NPHP1: variants seen among roughly 807,000 people sequenced by gnomAD.
NPHP1 encodes nephrocystin 1, also known as nephrocystin-1.
Under a neutral mutation model 90.4 loss-of-function variants are expected in NPHP1, and 70 were observed. The observed-to-expected ratio is 0.77, with a 90% CI of 0.64 to 0.95. NPHP1 has a LOEUF of 0.95. Among genes scored for constraint, NPHP1 ranks in the 40% least tolerant of loss-of-function variants. The probability of loss-of-function intolerance (pLI) is 0.00; values close to 1 mark genes in which losing one functional copy is unlikely to be tolerated. For synonymous variants in NPHP1, 256 were observed against 271.7 expected, an observed-to-expected ratio of 0.94 and a Z score of 0.57; for missense variants, 764 against 795.9, an observed-to-expected ratio of 0.96 and a Z score of 0.48.
At chr2:110,184,501 C>A (rs1684143025) in intron 2 of NPHP1, 2 of 1,053,320 alleles carry the variant, frequency 1.9e-6, no homozygotes, top group Non-Finnish European at 2.9e-6. Context: ...AGCCTTTATG[C>A]CACAGGCAGG....
At chr2:110,182,571 C>T (rs1683980920) in intron 2 of NPHP1, among the ~76,000 whole-genome samples, 1 of 152,068 alleles carries the variant, frequency 6.6e-6, no homozygotes, top group African/African-American at 2.4e-5. Flanking sequence ...GAAATAAGAT[C>T]CTTTTCAGAC....
chr2:110,130,367 T>G (rs1242149762), intron 17 of NPHP1, among the ~76,000 whole-genome samples: 1 of 152,158 alleles, frequency 6.6e-6, no homozygotes, highest in African/African-American at 2.4e-5. Context: ...CAATTCTGAG[T>G]AAACTTCTTA....
chr2:110,201,480 A>T lies in NPHP1; in HGVS notation c.84T>A (p.Leu28=). The stretch of plus-strand genomic sequence containing the variant: ...GAGCTTCTTTCAGTTGGCTCTCAGA[A>T]AGCAAACTATCAACCTATGGAGACC... ...QELKQQVDSL[L]SESQLKEALE... The change falls in exon 2 of 20, where the codon CTT becomes CTA. Residue 28 remains leucine (L), a synonymous_variant. Coordinates refer to ENST00000445609, the MANE Select transcript of NPHP1 (RefSeq NM_001128178.3). 1 of 1,609,756 alleles carries T rather than the reference A, an allele frequency of 6.2e-7. No homozygotes were observed. Among genetic ancestry groups the T allele is most frequent in the Non-Finnish European group, 8.5e-7 (1 of 1,177,158 alleles).
intron 2 of NPHP1, chr2:110,184,079 C>A: frequency 1.9e-6 from 1 of 527,986 alleles, no homozygotes; most frequent in South Asian, 1.4e-5. Context: ...ATACAATCAC[C>A]AACCAGCCTG....
At position 110,189,405 on chromosome 2, in the gene NPHP1, C is replaced by A. The variant is rs1398445259; in HGVS notation, c.144-9721G>T. ...CAGACCTTCACGGTGAGTGTTACAG[C>A]TCTTAAGGCGGCACGTCTGGAGTTG... On this transcript the variant is annotated intron_variant, in intron 2 of 19. Transcript: ENST00000445609. Among the ~76,000 whole-genome samples the A allele has an allele frequency of 2.0e-5, 3 of 152,062 alleles. No homozygotes were observed. The East Asian group carries it at 5.8e-4, about 29-fold the overall frequency.
chr2:110,168,708 C>G (rs1444413603), intron 5 of NPHP1, among the ~76,000 whole-genome samples, 155 bp from the exon 6 acceptor site: 1 of 151,954 alleles, frequency 6.6e-6, no homozygotes, highest in Non-Finnish European at 1.5e-5. Flanking sequence ...CCCTATCACC[C>G]GACCCCTATG....
At chr2:110,154,597 CT>C (rs1681747467) in intron 11 of NPHP1, among the ~76,000 whole-genome samples, 1 of 152,060 alleles carries the variant, frequency 6.6e-6, no homozygotes, top group Non-Finnish European at 1.5e-5. Flanking sequence ...GAGGTAGTCT[CT>C]GATGGAGATG....
intron 4 of NPHP1, among the ~76,000 whole-genome samples, chr2:110,171,908 T>C (rs983185499): frequency 6.6e-5 from 10 of 152,184 alleles, no homozygotes; most frequent in Admixed American, 3.9e-4. Flanking sequence ...ATCAGTGTTA[T>C]TGAAAGCTTA....
At chr2:110,141,968 GT>G (rs796942827) in intron 16 of NPHP1, among the ~76,000 whole-genome samples, 1,405 of 113,370 alleles carry the variant, frequency 0.012, 24 homozygotes, top group African/African-American at 0.048. Context: ...GCCAGACTCT[GT>G]CTCAAAAAAA....
intron 2 of NPHP1, among the ~76,000 whole-genome samples, chr2:110,200,458 G>A (rs1202511304): frequency 6.6e-6 from 1 of 151,216 alleles, no homozygotes. Context: ...AACTACTCAA[G>A]AGCCTGAGGC....
chr2:110,125,433 T>G, intron 19 of NPHP1: 5 of 1,200,422 alleles, frequency 4.2e-6, no homozygotes, highest in Non-Finnish European at 5.9e-6. Flanking sequence ...ATGGCTGTCT[T>G]GAACAAGTAT....
rs1488962813 is a variant in NPHP1, at chr2:110,149,923, ATGT to A, written c.1158+256_1158+258del. ...CTTTGAAAAACACCCCACTTCCTAA[ATGT>A]TATCTTTATGTTTTCATTTTTCATC... On this transcript the variant is annotated intron_variant, in intron 12 of 19. Transcript: ENST00000445609. Among the ~76,000 whole-genome samples the A allele has an allele frequency of 4.6e-5, 7 of 152,232 alleles. No homozygotes were observed. In the South Asian group the frequency reaches 1.5e-3, roughly 32 times the overall value.
chr2:110,144,526 CT>C lies in NPHP1; in HGVS notation c.1395del (p.Gly466ValfsTer21). ...GATATTGAAGGGTCCACTTCAATAC[CT>C]TTTTCATAAGGAGTACCACCATTCA... ...LFLNGGTPYE[K>X]GIEVDPSISR... On this transcript the variant is annotated frameshift_variant, in exon 15 of 20. Transcript: ENST00000445609. LOFTEE classifies it high-confidence loss of function. 3 of 1,606,914 alleles carry C rather than the reference CT, an allele frequency of 1.9e-6. No individual in the cohort carries two copies. Among genetic ancestry groups the C allele is most frequent in the Non-Finnish European group, 2.6e-6 (3 of 1,173,698 alleles).
At chr2:110,184,247 G>T in intron 2 of NPHP1, 1 of 580,308 alleles carries the variant, frequency 1.7e-6, no homozygotes, top group Non-Finnish European at 3.4e-6. Flanking sequence ...AAGCCAAGGA[G>T]CACCAAGGGC....
intron 15 of NPHP1, chr2:110,143,939 G>A: frequency 2.6e-6 from 1 of 385,042 alleles, no homozygotes; most frequent in Non-Finnish European, 4.9e-6. Flanking sequence ...CAAGAAGGCA[G>A]GACTGGCGTT....
intron 12 of NPHP1, among the ~76,000 whole-genome samples, chr2:110,149,476 C>A (rs1425280757): frequency 6.6e-6 from 1 of 152,126 alleles, no homozygotes; most frequent in Non-Finnish European, 1.5e-5. Flanking sequence ...CTCGACAAGT[C>A]TGGACAGGCA....
At chr2:110,166,389 A>G (rs1468181926) in intron 6 of NPHP1, among the ~76,000 whole-genome samples, 1 of 151,864 alleles carries the variant, frequency 6.6e-6, no homozygotes, top group Non-Finnish European at 1.5e-5. Flanking sequence ...CAGTTAAAAG[A>G]CTACATTTCC....
Position 110,171,144 on chromosome 2 carries a change from A to G in NPHP1, c.330-1146T>C, listed in dbSNP as rs1191614230. Reference sequence around the variant, plus strand: ...AGAAAACAGCATAGGGATGAAGAGAAAGGAGGTGAATCTGAGGGTGAGGAA... The same window carrying G: ...AGAAAACAGCATAGGGATGAAGAGAGAGGAGGTGAATCTGAGGGTGAGGAA... On this transcript the variant is annotated intron_variant, in intron 4 of 19. Transcript: ENST00000445609. Among the ~76,000 whole-genome samples the G allele has an allele frequency of 3.9e-5, 6 of 152,138 alleles. No individual in the cohort carries two copies. The East Asian group carries it at 1.2e-3, about 29-fold the overall frequency.
chr2:110,138,821 T>C (rs184639438), intron 16 of NPHP1, among the ~76,000 whole-genome samples: 1 of 152,234 alleles, frequency 6.6e-6, no homozygotes, highest in East Asian at 1.9e-4. Context: ...CCTTTTCTCG[T>C]AGACCTGCCT....
Sources: allele counts gnomAD v4.1 joint callset (sites outside exome capture counted in the v4.1 genomes callset), GRCh38; gene constraint gnomAD v4.1.1; transcripts MANE v1.5; gene names NCBI Gene and HGNC (gene_info 2026-07-23, HGNC 2026-07-21).